The following HS6ST2 variants were observed in gnomAD, a reference collection of about 807,000 sequenced individuals.
HS6ST2 encodes heparan sulfate 6-O-sulfotransferase 2.
In HS6ST2, 17 loss-of-function variants were observed where a neutral mutation model predicts 33.0. That is an observed-to-expected ratio of 0.52 (90% CI 0.35 to 0.77). HS6ST2 has a LOEUF of 0.77. Among genes scored for constraint, HS6ST2 ranks in the 30% least tolerant of loss-of-function variants. The probability of loss-of-function intolerance (pLI) is 0.01; values close to 1 mark genes in which losing one functional copy is unlikely to be tolerated. For synonymous variants in HS6ST2, 248 were observed against 237.1 expected (o/e 1.05, Z -0.42); for missense variants, 519 against 551.7 (o/e 0.94, Z 0.59).
intron 2 of HS6ST2, among the ~76,000 whole-genome samples, chrX:132,922,179 G>T (rs1450460764): frequency 9.0e-6 from 1 of 111,725 alleles, no homozygotes; most frequent in African/African-American, 3.3e-5. Context: ...GAGGCAGGCG[G>T]ATCACGAGGT....
At chrX:132,845,222 TA>T (rs889701330) in intron 2 of HS6ST2, among the ~76,000 whole-genome samples, 5 of 109,791 alleles carry the variant, frequency 4.6e-5, no homozygotes, top group Non-Finnish European at 7.6e-5. Context: ...ATCCTAAGAA[TA>T]AAAATTACAT....
chrX:132,845,584 C>T (rs1156332552), intron 2 of HS6ST2, among the ~76,000 whole-genome samples: 1 of 111,332 alleles, frequency 9.0e-6, no homozygotes, highest in East Asian at 2.8e-4. Context: ...AATCAGGAAG[C>T]AATTCTCAAA....
In HS6ST2 at chrX:132,958,090, A is replaced by G. The variant is rs1259411042; in HGVS notation, c.428+85T>C. 7.6e-6 allele frequency: 7 copies of G among 918,344 alleles called. No individual in the cohort carries two copies. In the African/African-American group the frequency reaches 1.2e-4, roughly 16 times the overall value. The allele number at this position is 918,344 out of a possible 1,213,427, so 75.7% of individuals were successfully genotyped here. On this transcript the variant is annotated intron_variant, in intron 1 of 4. Coordinates refer to ENST00000370833, the MANE Select transcript of HS6ST2 (RefSeq NM_001394073.1). The stretch of plus-strand genomic sequence containing the variant: ...CAGCTGGAACTTTACGCCCTTCTCT[A>G]CCCCCCGCGGCTGCCTTCCCTCCCC...
chrX:132,874,758 C>T (rs779839714), intron 2 of HS6ST2, among the ~76,000 whole-genome samples: 22 of 111,350 alleles, frequency 2.0e-4, no homozygotes, highest in African/African-American at 6.8e-4. Flanking sequence ...TCCACCCTTT[C>T]CAACTGGCTA....
At chrX:132,803,572 C>A (rs2065255448) in intron 2 of HS6ST2, among the ~76,000 whole-genome samples, 1 of 111,178 alleles carries the variant, frequency 9.0e-6, no homozygotes, top group African/African-American at 3.3e-5. Flanking sequence ...CCATTCCTGG[C>A]TAATTTTTGT....
chrX:132,698,271 G>A (rs1339473944), intron 3 of HS6ST2, among the ~76,000 whole-genome samples: 2 of 112,285 alleles, frequency 1.8e-5, no homozygotes, highest in Non-Finnish European at 3.8e-5. Context: ...TTATAATTGT[G>A]ACAGAATCAA....
intron 2 of HS6ST2, among the ~76,000 whole-genome samples, chrX:132,780,357 G>A (rs138670252): frequency 1.4e-3 from 151 of 110,588 alleles, no homozygotes; most frequent in African/African-American, 4.8e-3. Context: ...TGAAAACAAC[G>A]TCTCTGATGT....
At chrX:132,790,297 T>C (rs1204712704) in intron 2 of HS6ST2, among the ~76,000 whole-genome samples, 1 of 112,358 alleles carries the variant, frequency 8.9e-6, no homozygotes, top group Non-Finnish European at 1.9e-5. Context: ...CATTGAAAGC[T>C]TAGATGATAG....
intron 2 of HS6ST2, among the ~76,000 whole-genome samples, chrX:132,864,436 T>C (rs1488849683): frequency 9.4e-6 from 1 of 106,842 alleles, no homozygotes; most frequent in East Asian, 3.0e-4. Context: ...AAACACAGCA[T>C]GAGAACTTCA....
chrX:132,913,374 C>T (rs1214994871), intron 2 of HS6ST2, among the ~76,000 whole-genome samples: 2 of 112,417 alleles, frequency 1.8e-5, no homozygotes, highest in African/African-American at 3.2e-5. Context: ...CCTGTTTGCT[C>T]AGGCTGTGGA....
intron 2 of HS6ST2, among the ~76,000 whole-genome samples, chrX:132,839,264 TA>T: frequency 1.1e-5 from 1 of 88,085 alleles, no homozygotes; most frequent in Admixed American, 1.4e-4. Context: ...ACAGAAAATG[TA>T]GTGTGTGTAT....
At chrX:132,636,281 T>C (rs1603288451) in intron 4 of HS6ST2, among the ~76,000 whole-genome samples, 1 of 111,616 alleles carries the variant, frequency 9.0e-6, no homozygotes, top group African/African-American at 3.3e-5. Context: ...AGCCACTAGA[T>C]GTCACTATGA....
intron 2 of HS6ST2, among the ~76,000 whole-genome samples, chrX:132,897,904 A>C (rs1019452451): frequency 1.8e-5 from 2 of 111,518 alleles, no homozygotes; most frequent in African/African-American, 6.5e-5. Context: ...TGAGTGACTC[A>C]AAGTTATAAA....
At chrX:132,750,375 A>C (rs2064693053) in intron 2 of HS6ST2, among the ~76,000 whole-genome samples, 1 of 107,769 alleles carries the variant, frequency 9.3e-6, no homozygotes, top group Admixed American at 9.9e-5. Context: ...AAAGAGATCC[A>C]AGGAAACGCT....
At chrX:132,788,061 G>A (rs777192761) in intron 2 of HS6ST2, among the ~76,000 whole-genome samples, 3 of 111,154 alleles carry the variant, frequency 2.7e-5, no homozygotes, top group African/African-American at 9.8e-5. Flanking sequence ...CTTTTTTCAT[G>A]TTGTTTGCAG....
chrX:132,811,685 A>AATATATATATATATATAT (rs56390608), intron 2 of HS6ST2, among the ~76,000 whole-genome samples: 5 of 29,808 alleles, frequency 1.7e-4, no homozygotes, highest in Admixed American at 5.3e-4. Context: ...AAGGCTGAAT[A>AATATATATATATATATAT]ATATATATAT....
intron 2 of HS6ST2, among the ~76,000 whole-genome samples, chrX:132,798,758 G>A (rs976686823): frequency 3.6e-5 from 4 of 111,968 alleles, no homozygotes; most frequent in African/African-American, 1.3e-4. Context: ...AAAGACTCCA[G>A]ATCTGATGGA....
intron 2 of HS6ST2, among the ~76,000 whole-genome samples, chrX:132,818,116 G>A (rs1372750461): frequency 9.0e-6 from 1 of 111,355 alleles, no homozygotes; most frequent in East Asian, 2.8e-4. Flanking sequence ...GCCCAATTTT[G>A]TGGGAGAGAC....
At chrX:132,922,322 T>C in intron 2 of HS6ST2, among the ~76,000 whole-genome samples, 1 of 112,063 alleles carries the variant, frequency 8.9e-6, no homozygotes, top group Non-Finnish European at 1.9e-5. Flanking sequence ...AACAACTTCC[T>C]AGGCAGATGT....
Sources: gnomAD v4.1 joint callset for allele counts (sites outside exome capture counted in the v4.1 genomes callset) on GRCh38, gnomAD v4.1.1 for gene constraint, MANE v1.5 for transcripts, NCBI Gene and HGNC (gene_info 2026-07-23, HGNC 2026-07-21) for gene names.